MNAT1: variants seen among roughly 807,000 people sequenced by gnomAD.
MNAT1 encodes CDK-activating kinase assembly factor MAT1.
MNAT1 carries 43 observed loss-of-function variants against 42.0 expected under a neutral mutation model. That is an observed-to-expected ratio of 1.02 (90% CI 0.80 to 1.32). The LOEUF (loss-of-function observed/expected upper bound fraction) is 1.32, where lower values mean the gene tolerates loss of function less well. Ranked by LOEUF, MNAT1 falls within the 40% of genes most tolerant of loss-of-function variation. The pLI is 0.00. For synonymous variants in MNAT1, 118 were observed against 120.0 expected (o/e 0.98, Z 0.11); for missense variants, 306 against 350.4 (o/e 0.87, Z 1.01).
intron 7 of MNAT1, among the ~76,000 whole-genome samples, chr14:60,930,205 C>T (rs1320056389): frequency 1.3e-5 from 1 of 76,892 alleles, no homozygotes; most frequent in Non-Finnish European, 2.7e-5. Flanking sequence ...CTTCTTCCGT[C>T]TTTATTATTA....
intron 1 of MNAT1, among the ~76,000 whole-genome samples, chr14:60,789,590 GC>G (rs2031755447): frequency 6.6e-6 from 1 of 152,186 alleles, no homozygotes; most frequent in East Asian, 1.9e-4. Context: ...TATTTCTGAA[GC>G]CCTTCATAAA....
At chr14:60,772,585 C>A (rs1235507130) in intron 1 of MNAT1, among the ~76,000 whole-genome samples, 2 of 145,668 alleles carry the variant, frequency 1.4e-5, no homozygotes, top group African/African-American at 2.5e-5. Flanking sequence ...AAGAGTGAAA[C>A]TCCCCATTTC....
intron 6 of MNAT1, among the ~76,000 whole-genome samples, chr14:60,825,752 C>CA (rs2033036705): frequency 6.6e-6 from 1 of 152,104 alleles, no homozygotes; most frequent in Admixed American, 6.6e-5. Flanking sequence ...CATTCTGATT[C>CA]AGGTGTCCTC....
intron 1 of MNAT1, among the ~76,000 whole-genome samples, chr14:60,743,605 A>T (rs1416147914): frequency 6.6e-6 from 1 of 152,156 alleles, no homozygotes; most frequent in Non-Finnish European, 1.5e-5. Context: ...CATTTCTTAT[A>T]GTGTAGGTGT....
At chr14:60,878,775 G>A (rs1475911499) in intron 6 of MNAT1, among the ~76,000 whole-genome samples, 9 of 152,058 alleles carry the variant, frequency 5.9e-5, no homozygotes, top group Admixed American at 5.9e-4. Context: ...CTTCAGTACT[G>A]GTAAAGGCAT....
intron 7 of MNAT1, among the ~76,000 whole-genome samples, chr14:60,929,968 A>G (rs1054591489): frequency 6.6e-6 from 1 of 152,068 alleles, no homozygotes; most frequent in African/African-American, 2.4e-5. Context: ...AAAGGTCTTA[A>G]TTTTATTTCA....
At chr14:60,822,043 T>C (rs2032904626) in intron 6 of MNAT1, among the ~76,000 whole-genome samples, 1 of 152,212 alleles carries the variant, frequency 6.6e-6, no homozygotes, top group Admixed American at 6.5e-5. Context: ...TTACAAATTA[T>C]GTATTTCTCT....
intron 7 of MNAT1, among the ~76,000 whole-genome samples, chr14:60,888,135 G>A (rs1363883123): frequency 7.1e-6 from 1 of 141,272 alleles, no homozygotes; most frequent in Non-Finnish European, 1.5e-5. Flanking sequence ...GCTGGGCAGA[G>A]ACACAACCAA....
chr14:60,891,130 T>C (rs1394835694), intron 7 of MNAT1, among the ~76,000 whole-genome samples: 1 of 152,198 alleles, frequency 6.6e-6, no homozygotes, highest in Non-Finnish European at 1.5e-5. Flanking sequence ...TAATAATGGC[T>C]CCACTTTCAT....
At chr14:60,847,213 G>A (rs540090894) in intron 6 of MNAT1, among the ~76,000 whole-genome samples, 23 of 152,082 alleles carry the variant, frequency 1.5e-4, no homozygotes, top group African/African-American at 5.1e-4. Flanking sequence ...GACCATCCTG[G>A]CTAACACGGT....
intron 6 of MNAT1, among the ~76,000 whole-genome samples, chr14:60,867,020 C>T (rs891424364): frequency 6.6e-6 from 1 of 151,978 alleles, no homozygotes; most frequent in African/African-American, 2.4e-5. Flanking sequence ...GCTAACAAAT[C>T]TTTAAGGAAT....
intron 3 of MNAT1, among the ~76,000 whole-genome samples, chr14:60,804,096 A>C (rs188827559): frequency 1.3e-5 from 2 of 152,230 alleles, no homozygotes; most frequent in Non-Finnish European, 2.9e-5. Context: ...TAAGGGCTTT[A>C]ATTATAAATT....
At chr14:60,890,761 C>G (rs1035350187) in intron 7 of MNAT1, among the ~76,000 whole-genome samples, 1 of 152,174 alleles carries the variant, frequency 6.6e-6, no homozygotes, top group Non-Finnish European at 1.5e-5. Context: ...CTCTTTCCAC[C>G]TTCTTTTGCC....
At chr14:60,903,637 T>C (rs2035119960) in intron 7 of MNAT1, among the ~76,000 whole-genome samples, 1 of 152,204 alleles carries the variant, frequency 6.6e-6, no homozygotes, top group South Asian at 2.1e-4. Context: ...TTCACTGTGA[T>C]TGTGCTTTTT....
intron 7 of MNAT1, among the ~76,000 whole-genome samples, chr14:60,940,737 A>G (rs1301375498): frequency 6.6e-6 from 1 of 152,140 alleles, no homozygotes; most frequent in Non-Finnish European, 1.5e-5. Flanking sequence ...AAGCTTTCTT[A>G]CTTATTTATC....
intron 1 of MNAT1, among the ~76,000 whole-genome samples, chr14:60,789,243 A>C (rs1007447797): frequency 6.6e-6 from 1 of 152,166 alleles, no homozygotes; most frequent in Non-Finnish European, 1.5e-5. Flanking sequence ...GTTGGAGTAC[A>C]TACAACATTT....
chr14:60,857,452 G>A (rs1257477922), intron 6 of MNAT1, among the ~76,000 whole-genome samples: 1 of 152,192 alleles, frequency 6.6e-6, no homozygotes, highest in Non-Finnish European at 1.5e-5. Context: ...GCTTCCTAGG[G>A]ATGAGCAAAG....
At chr14:60,949,478 CTT>C (rs2036341595) in intron 7 of MNAT1, among the ~76,000 whole-genome samples, 8 of 152,136 alleles carry the variant, frequency 5.3e-5, no homozygotes, top group African/African-American at 1.9e-4. Context: ...ACTTTTAAAA[CTT>C]ATGATTTTAG....
At chr14:60,911,523 G>A (rs1253359283) in intron 7 of MNAT1, among the ~76,000 whole-genome samples, 1 of 151,996 alleles carries the variant, frequency 6.6e-6, no homozygotes, top group Non-Finnish European at 1.5e-5. Context: ...GGTATGTTGT[G>A]TCTTTGTTCT....
Sources: allele counts gnomAD v4.1 joint callset (sites outside exome capture counted in the v4.1 genomes callset), GRCh38; gene constraint gnomAD v4.1.1; transcripts MANE v1.5; gene names NCBI Gene and HGNC (gene_info 2026-07-23, HGNC 2026-07-21).